TMEM131L: variants seen among roughly 807,000 people sequenced by gnomAD.
TMEM131L encodes transmembrane 131 like, also known as transmembrane protein 131-like.
TMEM131L carries 54 observed loss-of-function variants against 192.2 expected under a neutral mutation model. That is an observed-to-expected ratio of 0.28 (90% CI 0.23 to 0.35). TMEM131L has a LOEUF of 0.35. TMEM131L is among the 10% of genes least tolerant of loss of function. The pLI is 1.00. For synonymous variants in TMEM131L, 701 were observed against 704.9 expected, an observed-to-expected ratio of 0.99 and a Z score of 0.09; for missense variants, 1,888 against 1,972.9, an observed-to-expected ratio of 0.96 and a Z score of 0.82.
At chr4:153,623,281 C>G (rs1005783303) in intron 29 of TMEM131L, among the ~76,000 whole-genome samples, 198 bp downstream of exon 29, 1 of 152,136 alleles carries the variant, frequency 6.6e-6, no homozygotes, top group Non-Finnish European at 1.5e-5. Context: ...TCATAATCAT[C>G]ATCATTGTTT....
chr4:153,621,953 C>A, intron 28 of TMEM131L, 104 bp downstream of exon 28: 3 of 1,108,098 alleles, frequency 2.7e-6, no homozygotes, highest in Non-Finnish European at 3.9e-6. Flanking sequence ...TTTATCTCTA[C>A]AGGCAACTTA....
At chr4:153,526,485 A>G (rs980758397) in intron 3 of TMEM131L, among the ~76,000 whole-genome samples, 3 of 151,984 alleles carry the variant, frequency 2.0e-5, no homozygotes, top group African/African-American at 7.3e-5. Context: ...CTGTAATCCT[A>G]GCACTTTGGG....
chr4:153,535,562 ACCAATTATTTAAAAGCTAACTTTT>A (rs1357643944), intron 3 of TMEM131L, among the ~76,000 whole-genome samples: 1 of 152,140 alleles, frequency 6.6e-6, no homozygotes, highest in Non-Finnish European at 1.5e-5. Flanking sequence ...ACATAACAAA[ACCAATTATTTAAAAGCTAACTTTT>A]GTTAGCTTTT....
At position 153,583,230 on chromosome 4, in the gene TMEM131L, C is replaced by A; in HGVS notation, c.933C>A (p.Asn311Lys). 1 of 1,457,250 alleles carries A rather than the reference C, an allele frequency of 6.9e-7. No individual in the cohort carries two copies. Among genetic ancestry groups the A allele is most frequent in the Non-Finnish European group, 9.6e-7 (1 of 1,037,396 alleles). 90.3% of individuals were successfully genotyped at this position (1,457,250 alleles called of 1,614,324 possible). The change falls in exon 10 of 35, where the codon AAC becomes AAA. Residue 311 changes from asparagine (N) to lysine (K), a missense_variant. Physicochemically the swap from Asn to Lys is moderately conservative, Grantham distance 94 (BLOSUM62 0). Transcript: ENST00000409959. ...AVNMYILHSG[N>K]SLIWIQDIRH... The stretch of plus-strand genomic sequence containing the variant: ...ATATGTATATATTACATTCAGGAAA[C>A]AGCCTTATATGGATACAGGTAATTG...
chr4:153,618,708 T>C (rs1733172310), intron 26 of TMEM131L, among the ~76,000 whole-genome samples: 1 of 152,056 alleles, frequency 6.6e-6, no homozygotes. Context: ...CTCCGAGATA[T>C]ACTCCTAATT....
chr4:153,590,561 C>G (rs1730995857), intron 16 of TMEM131L, among the ~76,000 whole-genome samples: 1 of 152,026 alleles, frequency 6.6e-6, no homozygotes, highest in Non-Finnish European at 1.5e-5. Flanking sequence ...ATGTTTTATC[C>G]CATGGTTTTA....
intron 26 of TMEM131L, among the ~76,000 whole-genome samples, chr4:153,615,309 G>C (rs1007877476): frequency 1.3e-5 from 2 of 152,206 alleles, no homozygotes; most frequent in Non-Finnish European, 2.9e-5. Flanking sequence ...CCAACAGAGA[G>C]GGATGGCTGA....
At chr4:153,483,752 A>C (rs1732110143) in intron 3 of TMEM131L, among the ~76,000 whole-genome samples, 1 of 152,290 alleles carries the variant, frequency 6.6e-6, no homozygotes, top group South Asian at 2.1e-4. Context: ...TTGCTGTGTA[A>C]GAAAGAGAAG....
At chr4:153,484,283 T>G (rs778443768) in intron 3 of TMEM131L, among the ~76,000 whole-genome samples, 29 of 152,284 alleles carry the variant, frequency 1.9e-4, no homozygotes, top group Non-Finnish European at 3.7e-4. Context: ...CTAGGCAGTA[T>G]TTTACAGATG....
intron 9 of TMEM131L, among the ~76,000 whole-genome samples, chr4:153,582,525 C>A (rs1361884555): frequency 6.7e-6 from 1 of 150,184 alleles, no homozygotes; most frequent in African/African-American, 2.5e-5. Flanking sequence ...GCATTCCTCC[C>A]CGCTTGGCCT....
intron 3 of TMEM131L, among the ~76,000 whole-genome samples, chr4:153,481,508 T>C (rs139097537): frequency 6.6e-6 from 1 of 152,312 alleles, no homozygotes; most frequent in Non-Finnish European, 1.5e-5. Flanking sequence ...ACAGGACTAG[T>C]ATTTGTGTTA....
chr4:153,567,553 T>C (rs1729305385), intron 7 of TMEM131L, among the ~76,000 whole-genome samples: 1 of 151,970 alleles, frequency 6.6e-6, no homozygotes, highest in Non-Finnish European at 1.5e-5. Flanking sequence ...CAGGCTTTTT[T>C]TTTTTTTTGA....
At chr4:153,591,323 G>A (rs1731052226) in intron 17 of TMEM131L, 129 bp downstream of exon 17, 1 of 781,432 alleles carries the variant, frequency 1.3e-6, no homozygotes, top group Non-Finnish European at 1.9e-6. Flanking sequence ...AAAAGAACTA[G>A]ATGAGCAGTA....
intron 31 of TMEM131L, among the ~76,000 whole-genome samples, chr4:153,631,960 C>T (rs764414182): frequency 2.6e-5 from 4 of 152,192 alleles, no homozygotes; most frequent in Admixed American, 2.0e-4. Flanking sequence ...CACTTCCTCA[C>T]GTCAATCACG....
At chr4:153,492,793 T>G (rs541567258) in intron 3 of TMEM131L, among the ~76,000 whole-genome samples, 1 of 152,134 alleles carries the variant, frequency 6.6e-6, no homozygotes, top group South Asian at 2.1e-4. Context: ...CTTTTCTGGC[T>G]TTGTATAATT....
chr4:153,583,891 A>G (rs568137052), intron 11 of TMEM131L, among the ~76,000 whole-genome samples: 1 of 152,248 alleles, frequency 6.6e-6, no homozygotes, highest in African/African-American at 2.4e-5. Context: ...TTGAGTTTAA[A>G]GCTTAATATT....
intron 4 of TMEM131L, among the ~76,000 whole-genome samples, chr4:153,552,313 A>G (rs1737686853): frequency 6.6e-6 from 1 of 152,236 alleles, no homozygotes. Context: ...AGTAGTAAGT[A>G]TAGCTATTAG....
intron 3 of TMEM131L, among the ~76,000 whole-genome samples, chr4:153,479,058 C>T (rs1000688598): frequency 2.0e-5 from 3 of 152,176 alleles, no homozygotes; most frequent in African/African-American, 7.2e-5. Flanking sequence ...ATGTCTATCA[C>T]TGGACAGAAA....
intron 21 of TMEM131L, among the ~76,000 whole-genome samples, chr4:153,600,357 A>C: frequency 6.9e-6 from 1 of 144,808 alleles, no homozygotes. Context: ...ACAGAGTGAG[A>C]CCCTGTCTCA....
Sources: allele counts gnomAD v4.1 joint callset (sites outside exome capture counted in the v4.1 genomes callset), GRCh38; gene constraint gnomAD v4.1.1; transcripts MANE v1.5; gene names NCBI Gene and HGNC (gene_info 2026-07-23, HGNC 2026-07-21).